The following KCNQ1 variants were observed in gnomAD, a reference collection of about 807,000 sequenced individuals.
KCNQ1 encodes the protein potassium voltage-gated channel subfamily Q member 1.
KCNQ1 carries 49 observed loss-of-function variants against 72.4 expected under a neutral mutation model. The ratio of observed to expected loss-of-function variants is 0.68; its 90% confidence interval spans 0.54 to 0.86. KCNQ1 has a LOEUF of 0.86. KCNQ1 is among the 40% of genes least tolerant of loss of function. The pLI, the probability that KCNQ1 is intolerant of heterozygous loss-of-function variation, is 0.00. For missense variants in KCNQ1, 790 were observed against 945.1 expected, an observed-to-expected ratio of 0.84 and a Z score of 2.15; for synonymous variants, 450 against 412.6, an observed-to-expected ratio of 1.09 and a Z score of -1.10.
chr11:2,479,598 T>G lies in KCNQ1; in HGVS notation c.386+34114T>G, dbSNP rs891126205. ...TAGGCTGCACACAGCATGGAGGCCC[T>G]GGGCCCAGTCCAGGAAACCATTTTT... On this transcript the variant is annotated intron_variant, in intron 1 of 15. Transcript: ENST00000155840. The surrounding 1 kb of genome is among the most constrained non-coding windows in gnomAD (Gnocchi z 4.6). 1.3e-5 allele frequency among the ~76,000 whole-genome samples: 2 copies of G among 152,176 alleles called. No individual in the cohort carries two copies. Among genetic ancestry groups the G allele is most frequent in the Non-Finnish European group, 2.9e-5 (2 of 68,020 alleles).
chr11:2,704,406 G>A lies in KCNQ1; in HGVS notation c.1514+42325G>A, dbSNP rs1450122035. On this transcript the variant is annotated intron_variant, in intron 11 of 15. Transcript: ENST00000155840. The surrounding 1 kb of genome is among the most constrained non-coding windows in gnomAD (Gnocchi z 4.3). ...ATGTTTACTTGACTTCCTGCCCCAGGTCTCTGCTGTACCCACAGGTGGCAT... is the reference window on the plus strand; with the variant it reads ...ATGTTTACTTGACTTCCTGCCCCAGATCTCTGCTGTACCCACAGGTGGCAT... Among the ~76,000 whole-genome samples, 1 of 152,206 alleles carries A rather than the reference G, an allele frequency of 6.6e-6. No homozygotes were observed. Among genetic ancestry groups the A allele is most frequent in the Non-Finnish European group, 1.5e-5 (1 of 68,048 alleles).
chr11:2,643,580 T>C (rs1004252461), intron 10 of KCNQ1: 2 of 398,434 alleles, frequency 5.0e-6, no homozygotes, highest in African/African-American at 4.1e-5. Flanking sequence ...AGCATTTAGA[T>C]GGGTCATGTT....
rs184510506 is a variant in KCNQ1 at position 2,754,374 on chromosome 11, G to A, written c.1515-14470G>A. ...GGCATCCTCCAGTGGGTTTTTCAGG[G>A]AACTTAACATGATGAGTCTAAAATT... On this transcript the variant is annotated intron_variant, in intron 11 of 15. Coordinates refer to ENST00000155840, the MANE Select transcript of KCNQ1 (RefSeq NM_000218.3). Among the ~76,000 whole-genome samples, 1,085 of 152,294 alleles carry A rather than the reference G, an allele frequency of 7.1e-3. 6 individuals carry two copies. The highest frequency in any genetic ancestry group is 0.017 in the Middle Eastern group (5 of 294).
chr11:2,696,788 A>G, intron 11 of KCNQ1: 2 of 398,508 alleles, frequency 5.0e-6, no homozygotes, highest in Non-Finnish European at 4.4e-6. Context: ...TAATTCCTAG[A>G]CTGGTATAAA....
At position 2,734,484 on chromosome 11, in the gene KCNQ1, T is replaced by C. The variant is rs1408563860; in HGVS notation, c.1515-34360T>C. Among the ~76,000 whole-genome samples, 1 of 152,096 alleles carries C rather than the reference T, an allele frequency of 6.6e-6. No individual in the cohort carries two copies. Among genetic ancestry groups the C allele is most frequent in the Non-Finnish European group, 1.5e-5 (1 of 67,990 alleles). On this transcript the variant is annotated intron_variant, in intron 11 of 15. Transcript: ENST00000155840. The surrounding 1 kb of genome is among the most constrained non-coding windows in gnomAD (Gnocchi z 7.0). ...CAAGGCAGGACGGGATCCTTGGTGA[T>C]GGGCAGAATGTGGGGAGCAGGGTAG...
At position 2,723,884 on chromosome 11, in the gene KCNQ1, C is replaced by T. The variant is rs1039684609; in HGVS notation, c.1515-44960C>T. Among the ~76,000 whole-genome samples, 2 of 152,120 alleles carry T rather than the reference C, an allele frequency of 1.3e-5. No homozygotes were observed. Among genetic ancestry groups the T allele is most frequent in the Admixed American group, 6.5e-5 (1 of 15,272 alleles). ...CACGGATTCCAGGGGGACCTCGGGA[C>T]GAGGAAGTCACACGTTGGGGGATGT... On this transcript the variant is annotated intron_variant, in intron 11 of 15. Transcript: ENST00000155840. The surrounding 1 kb of genome is among the most constrained non-coding windows in gnomAD (Gnocchi z 4.2).
chr11:2,643,253 T>C (rs1021080183), intron 10 of KCNQ1: 1 of 398,282 alleles, frequency 2.5e-6, no homozygotes. Context: ...ATACTGGAAA[T>C]GGAGAATTGA....
rs1312356694 is a variant in KCNQ1 at position 2,464,952 on chromosome 11, G to A, written c.386+19468G>A. Among the ~76,000 whole-genome samples, 1 of 152,176 alleles carries A rather than the reference G, an allele frequency of 6.6e-6. No homozygotes were observed. The highest frequency in any genetic ancestry group is 2.4e-5 in the African/African-American group (1 of 41,452). On this transcript the variant is annotated intron_variant, in intron 1 of 15. Transcript: ENST00000155840. This position sits in a 1 kb window ranked among gnomAD's most constrained non-coding sequence, Gnocchi z 5.0. ...GTCCTGGGCACCAACTCTGGGCACT[G>A]ATGGGCTGGTCCAGTGCAGGGAGCT...
At chr11:2,571,295 G>A (rs752795056) in intron 3 of KCNQ1, 30 bp from the exon 4 acceptor site, 17 of 1,595,222 alleles carry the variant, frequency 1.1e-5, no homozygotes, top group Middle Eastern at 1.7e-4. Flanking sequence ...TGGCGATCAC[G>A]AAAAGCTCCC....
chr11:2,481,838 T>C lies in KCNQ1; in HGVS notation c.386+36354T>C, dbSNP rs571862614. On this transcript the variant is annotated intron_variant, in intron 1 of 15. Transcript: ENST00000155840. The surrounding 1 kb of genome is among the most constrained non-coding windows in gnomAD (Gnocchi z 4.6). ...ACAAGCTCAGGGCTCTCACTGATTCTACATTATGGTGAGTTGTATAATTAT... is the reference window on the plus strand; with the variant it reads ...ACAAGCTCAGGGCTCTCACTGATTCCACATTATGGTGAGTTGTATAATTAT... Among the ~76,000 whole-genome samples the C allele has an allele frequency of 6.6e-6, 1 of 152,360 alleles. No homozygotes were observed. The highest frequency in any genetic ancestry group is 6.5e-5 in the Admixed American group (1 of 15,308).
At chr11:2,485,689 C>A (rs1204146515) in intron 1 of KCNQ1, among the ~76,000 whole-genome samples, 1 of 152,144 alleles carries the variant, frequency 6.6e-6, no homozygotes, top group East Asian at 1.9e-4. Context: ...ACCAACTCCC[C>A]CATTCTCTCT....
intron 11 of KCNQ1, chr11:2,688,911 C>T (rs1434445717): frequency 7.5e-6 from 3 of 399,018 alleles, no homozygotes; most frequent in Non-Finnish European, 1.3e-5. Context: ...GCTAGGGCCA[C>T]CCCACACAGG....
At chr11:2,554,518 C>CT (rs1564815329) in intron 2 of KCNQ1, among the ~76,000 whole-genome samples, 2 of 152,178 alleles carry the variant, frequency 1.3e-5, no homozygotes, top group Non-Finnish European at 2.9e-5. Context: ...CAGGGGGACC[C>CT]TCCTCAGTGC....
chr11:2,815,349 G>A lies in KCNQ1; in HGVS notation c.1795-32418G>A, dbSNP rs1303865523. ...CCACTGGACCTCTGTGCTTTCTGGT[G>A]GGGGGCTTGTCAGGGAGCTCATGGG... On this transcript the variant is annotated intron_variant, in intron 15 of 15. Transcript: ENST00000155840. The surrounding 1 kb of genome is among the most constrained non-coding windows in gnomAD (Gnocchi z 5.4). Among the ~76,000 whole-genome samples, 1 of 152,166 alleles carries A rather than the reference G, an allele frequency of 6.6e-6. No individual in the cohort carries two copies. The highest frequency in any genetic ancestry group is 1.5e-5 in the Non-Finnish European group (1 of 68,022).
At position 2,766,381 on chromosome 11, in the gene KCNQ1, G is replaced by A. The variant is rs1846498175; in HGVS notation, c.1515-2463G>A. ...GTCCTCACGTGTCTGGAGCCACTGG[G>A]TTGTCAGCCAGGGTCTCTCAGCTCT... On this transcript the variant is annotated intron_variant, in intron 11 of 15. Transcript: ENST00000155840. This position sits in a 1 kb window ranked among gnomAD's most constrained non-coding sequence, Gnocchi z 4.4. Among the ~76,000 whole-genome samples the A allele has an allele frequency of 6.6e-6, 1 of 152,210 alleles. No individual in the cohort carries two copies. The highest frequency in any genetic ancestry group is 1.5e-5 in the Non-Finnish European group (1 of 68,036).
In KCNQ1 at chr11:2,799,225, A is replaced by AG. The variant is rs1379096261; in HGVS notation, c.1794+21192dup. Among the ~76,000 whole-genome samples the AG allele has an allele frequency of 5.3e-5, 8 of 152,186 alleles. 1 individual carries two copies. Among genetic ancestry groups the AG allele is most frequent in the African/African-American group, 1.9e-4 (8 of 41,428 alleles). On this transcript the variant is annotated intron_variant, in intron 15 of 15. Transcript: ENST00000155840. ...AGGAGAGAAACTCTCAGAGGCAGGC[A>AG]GGGGCCGGACCACGGGGGCGGTGGT...
chr11:2,529,750 G>C (rs571119721), intron 2 of KCNQ1, among the ~76,000 whole-genome samples: 1 of 152,158 alleles, frequency 6.6e-6, no homozygotes, highest in Non-Finnish European at 1.5e-5. Flanking sequence ...TGCCTTCCAG[G>C]AGGGCAGATT....
rs1846528490 is a variant in KCNQ1 at position 2,473,844 on chromosome 11, A to C, written c.386+28360A>C. Among the ~76,000 whole-genome samples, 1 of 152,208 alleles carries C rather than the reference A, an allele frequency of 6.6e-6. No individual in the cohort carries two copies. The highest frequency in any genetic ancestry group is 2.4e-5 in the African/African-American group (1 of 41,460). Reference sequence around the variant, plus strand: ...TTGCTCAGTGGCACCAGCTGGGCAGACAGCCGCATGCGCTCACCACTCGCC... The same window carrying C: ...TTGCTCAGTGGCACCAGCTGGGCAGCCAGCCGCATGCGCTCACCACTCGCC... On this transcript the variant is annotated intron_variant, in intron 1 of 15. Coordinates refer to ENST00000155840, the MANE Select transcript of KCNQ1 (RefSeq NM_000218.3). This position sits in a 1 kb window ranked among gnomAD's most constrained non-coding sequence, Gnocchi z 6.0.
At position 2,496,495 on chromosome 11, in the gene KCNQ1, C is replaced by CTTTTT; in HGVS notation, c.387-31412_387-31408dup. Among the ~76,000 whole-genome samples the CTTTTT allele has an allele frequency of 3.9e-3, 115 of 29,806 alleles. 17 individuals are homozygous for CTTTTT. Among genetic ancestry groups the CTTTTT allele is most frequent in the African/African-American group, 9.4e-3 (87 of 9,260 alleles). 19.6% of individuals were successfully genotyped at this position (29,806 alleles called of 152,430 possible). A position where few individuals can be genotyped will look rare whatever the true frequency, so the allele number is the denominator to read the frequency against. ...AAAATGGCTAGGATCACAACCCCTG[C>CTTTTT]TTTTTTTTTTTTTTTTTTTTTTTTT... On this transcript the variant is annotated intron_variant, in intron 1 of 15. Coordinates refer to ENST00000155840, the MANE Select transcript of KCNQ1 (RefSeq NM_000218.3).
Sources: gnomAD v4.1 joint callset for allele counts (sites outside exome capture counted in the v4.1 genomes callset) on GRCh38, gnomAD v4.1.1 for gene constraint, Gnocchi (gnomAD v3.1) non-coding constraint, MANE v1.5 for transcripts, NCBI Gene and HGNC (gene_info 2026-07-23, HGNC 2026-07-21) for gene names.